The following COL24A1 variants were observed in gnomAD, a reference collection of about 807,000 sequenced individuals.
The protein encoded by COL24A1 is collagen alpha-1(XXIV) chain.
A neutral mutation model predicts 253.9 loss-of-function variants in COL24A1; 224 were observed. The observed-to-expected ratio is 0.88, with a 90% CI of 0.79 to 0.99. The LOEUF (loss-of-function observed/expected upper bound fraction) is 0.99. Among genes scored for constraint, COL24A1 ranks in the 50% least tolerant of loss-of-function variants. The pLI, the probability that COL24A1 is intolerant of heterozygous loss-of-function variation, is 0.00. For missense variants in COL24A1, 2,131 were observed against 2,068.5 expected (o/e 1.03, Z -0.59); for synonymous variants, 685 against 673.7 (o/e 1.02, Z -0.26).
intron 57 of COL24A1, among the ~76,000 whole-genome samples, chr1:85,739,381 T>C (rs968226147): frequency 6.6e-6 from 1 of 152,224 alleles, no homozygotes; most frequent in African/African-American, 2.4e-5. Context: ...TATGCCAAGC[T>C]AGAGATGAAG....
rs899834574 is a variant in COL24A1 at position 86,118,999 on chromosome 1, G to C, written c.1492-3621C>G. ...GTCAGGATACAGAGTTTGAGTTTAA[G>C]TGCTATAACCTTCTTCCACTGAAGA... On this transcript the variant is annotated intron_variant, in intron 3 of 59. Transcript: ENST00000370571. Among the ~76,000 whole-genome samples, 19 of 152,216 alleles carry C rather than the reference G, an allele frequency of 1.2e-4. 2 individuals are homozygous for C. The highest frequency in any genetic ancestry group is 5.2e-4 in the Admixed American group (8 of 15,288).
chr1:86,109,423 C>G (rs1193600566), intron 5 of COL24A1, among the ~76,000 whole-genome samples: 1 of 152,124 alleles, frequency 6.6e-6, no homozygotes, highest in Non-Finnish European at 1.5e-5. Flanking sequence ...ATGTTAAGAG[C>G]TTTACTCACA....
chr1:85,982,377 C>A (rs550644384), intron 20 of COL24A1, among the ~76,000 whole-genome samples: 2 of 152,144 alleles, frequency 1.3e-5, no homozygotes, highest in African/African-American at 4.8e-5. Context: ...TGTTACAATA[C>A]TGTAAACAAA....
intron 52 of COL24A1, among the ~76,000 whole-genome samples, chr1:85,777,581 G>A (rs1371393125): frequency 1.3e-5 from 2 of 151,774 alleles, no homozygotes; most frequent in Non-Finnish European, 2.9e-5. Flanking sequence ...GAGTATTCAC[G>A]TAATTTCAAT....
In COL24A1 at chr1:86,005,701, T is replaced by C. The variant is rs1197241168; in HGVS notation, c.2310+11450A>G. Among the ~76,000 whole-genome samples the C allele has an allele frequency of 3.3e-5, 5 of 152,128 alleles. No individual in the cohort carries two copies. In the East Asian group the frequency reaches 5.8e-4, roughly 18 times the overall value. On this transcript the variant is annotated intron_variant, in intron 19 of 59. Transcript: ENST00000370571. ...CTCTTATGACTCCTTGTCAACATTA[T>C]ACTGGAAGTCCTAGATAATGCAATA...
chr1:85,976,529 C>T (rs1240001225), intron 20 of COL24A1, among the ~76,000 whole-genome samples: 2 of 152,136 alleles, frequency 1.3e-5, no homozygotes, highest in African/African-American at 4.8e-5. Flanking sequence ...CCTGCTCCCA[C>T]CTGATGGTAC....
chr1:86,129,431 TATTA>T (rs1303717419), intron 2 of COL24A1, among the ~76,000 whole-genome samples: 4 of 151,832 alleles, frequency 2.6e-5, no homozygotes, highest in African/African-American at 7.2e-5. Context: ...AATTTATCTT[TATTA>T]ATTATCTCTT....
At chr1:86,139,916 C>G (rs560141876) in intron 2 of COL24A1, among the ~76,000 whole-genome samples, 2 of 152,236 alleles carry the variant, frequency 1.3e-5, no homozygotes, top group Admixed American at 6.5e-5. Context: ...ATAGTCTCAG[C>G]TAAATAGTCA....
rs1300205383 is a variant in COL24A1, at chr1:86,112,165, ATAAT to A, written c.1599+398_1599+401del. 5.3e-5 allele frequency among the ~76,000 whole-genome samples: 8 copies of A among 152,248 alleles called. No individual in the cohort carries two copies. In the East Asian group the frequency reaches 1.3e-3, roughly 26 times the overall value. ...ATCCTCGGTTTTTTTTCAGGTAAAAATAATTAGGGAAGTGTGGAGCAGGTAAATA... is the reference window on the plus strand; with the variant it reads ...ATCCTCGGTTTTTTTTCAGGTAAAAATAGGGAAGTGTGGAGCAGGTAAATA... On this transcript the variant is annotated intron_variant, in intron 5 of 59. Coordinates refer to ENST00000370571, the MANE Select transcript of COL24A1 (RefSeq NM_152890.7).
rs374582339 is a variant in COL24A1, at chr1:85,823,766, G to A, written c.3682-28C>T. The A allele has an allele frequency of 1.6e-5, 25 of 1,598,472 alleles. No individual in the cohort carries two copies. In the Middle Eastern group the frequency reaches 6.9e-4, roughly 44 times the overall value. Reference sequence around the variant, plus strand: ...AGAAATAGAAAAGATTACATTATTAGAGTAAGTAGAGACATGTGACTTAAG... The same window carrying A: ...AGAAATAGAAAAGATTACATTATTAAAGTAAGTAGAGACATGTGACTTAAG... On this transcript the variant is annotated intron_variant, in intron 43 of 59. Coordinates refer to ENST00000370571, the MANE Select transcript of COL24A1 (RefSeq NM_152890.7).
intron 31 of COL24A1, among the ~76,000 whole-genome samples, chr1:85,894,115 T>C (rs1239924023): frequency 1.3e-5 from 2 of 152,204 alleles, no homozygotes; most frequent in Non-Finnish European, 2.9e-5. Flanking sequence ...TTGGGGCTTG[T>C]CTGGCTTTTT....
intron 7 of COL24A1, among the ~76,000 whole-genome samples, chr1:86,078,849 G>A (rs1460648472): frequency 6.6e-6 from 1 of 152,114 alleles, no homozygotes; most frequent in Non-Finnish European, 1.5e-5. Context: ...TGAATTGGAA[G>A]AATCAATATT....
intron 7 of COL24A1, among the ~76,000 whole-genome samples, chr1:86,082,645 C>CATAT (rs934358167): frequency 6.8e-6 from 1 of 147,266 alleles, no homozygotes; most frequent in Non-Finnish European, 1.5e-5. Flanking sequence ...AAATATATAA[C>CATAT]ATATATTTAT....
chr1:86,070,900 A>C (rs1701829920), intron 7 of COL24A1, among the ~76,000 whole-genome samples: 1 of 152,240 alleles, frequency 6.6e-6, no homozygotes, highest in Non-Finnish European at 1.5e-5. Flanking sequence ...TGAAGGTACA[A>C]AACTCACTGG....
chr1:85,997,754 C>G (rs1360852731), intron 19 of COL24A1, among the ~76,000 whole-genome samples: 2 of 137,868 alleles, frequency 1.5e-5, no homozygotes, highest in African/African-American at 2.6e-5. Flanking sequence ...GCACTCCAGC[C>G]TGGCTACAGA....
chr1:85,858,621 C>CTTCCTTCCTTCCTTCCT (rs1553201492), intron 37 of COL24A1, among the ~76,000 whole-genome samples: 1 of 113,270 alleles, frequency 8.8e-6, no homozygotes, highest in Non-Finnish European at 1.9e-5. Context: ...TATTTTCTCC[C>CTTCCTTCCTTCCTTCCT]TCCTTCCTTC....
At chr1:85,740,326 C>A (rs1043825800) in intron 57 of COL24A1, among the ~76,000 whole-genome samples, 25 of 152,164 alleles carry the variant, frequency 1.6e-4, no homozygotes, top group Admixed American at 1.4e-3. Context: ...TCGCTCTTAT[C>A]CTCAACTGAT....
chr1:86,054,050 C>A (rs990991835), intron 10 of COL24A1, among the ~76,000 whole-genome samples: 1 of 152,032 alleles, frequency 6.6e-6, no homozygotes, highest in Non-Finnish European at 1.5e-5. Context: ...GGAAAGAATA[C>A]CCTGTTCAAT....
intron 7 of COL24A1, among the ~76,000 whole-genome samples, chr1:86,065,580 C>T (rs1016963870): frequency 3.9e-5 from 6 of 151,914 alleles, no homozygotes; most frequent in African/African-American, 1.5e-4. Flanking sequence ...TAAGGGAGGA[C>T]AATATAAGTC....
Sources: gnomAD v4.1 joint callset for allele counts (sites outside exome capture counted in the v4.1 genomes callset) on GRCh38, gnomAD v4.1.1 for gene constraint, MANE v1.5 for transcripts, NCBI Gene and HGNC (gene_info 2026-07-23, HGNC 2026-07-21) for gene names.